The following UBE2K variants were observed in gnomAD, a reference collection of about 807,000 sequenced individuals.
The protein encoded by UBE2K is ubiquitin conjugating enzyme E2 K.
In UBE2K, 6 loss-of-function variants were observed where a neutral mutation model predicts 30.0. The ratio of observed to expected loss-of-function variants is 0.20; its 90% CI spans 0.11 to 0.39. The LOEUF is 0.39. Among genes scored for constraint, UBE2K ranks in the 10% least tolerant of loss-of-function variants. The pLI, the probability that UBE2K is intolerant of heterozygous loss-of-function variation, is 1.00. For synonymous variants in UBE2K, 86 were observed against 83.7 expected, an observed-to-expected ratio of 1.03 and a Z score of -0.15; for missense variants, 61 against 241.6, an observed-to-expected ratio of 0.25 and a Z score of 4.96.
At chr4:39,734,765 C>T (rs999842352) in intron 1 of UBE2K, among the ~76,000 whole-genome samples, 6 of 152,140 alleles carry the variant, frequency 3.9e-5, no homozygotes, top group African/African-American at 1.2e-4. Flanking sequence ...GAGCTGAGAT[C>T]GCACTGCTGC....
intron 2 of UBE2K, among the ~76,000 whole-genome samples, chr4:39,738,819 A>G (rs887430416): frequency 6.6e-6 from 1 of 151,898 alleles, no homozygotes; most frequent in Non-Finnish European, 1.5e-5. Context: ...CTGGGATTAC[A>G]GGCGCACCAC....
At chr4:39,703,236 A>G (rs943604643) in intron 1 of UBE2K, among the ~76,000 whole-genome samples, 2 of 152,054 alleles carry the variant, frequency 1.3e-5, no homozygotes. Flanking sequence ...AAGAGTGTTT[A>G]TGGCCAGGTG....
chr4:39,758,692 A>G (rs955627735), intron 4 of UBE2K, among the ~76,000 whole-genome samples: 1 of 152,148 alleles, frequency 6.6e-6, no homozygotes, highest in Non-Finnish European at 1.5e-5. Flanking sequence ...ATAAAAAAAA[A>G]AAAGAAAGAA....
At chr4:39,740,455 T>G (rs908422886) in intron 2 of UBE2K, among the ~76,000 whole-genome samples, 16 of 150,848 alleles carry the variant, frequency 1.1e-4, no homozygotes, top group Admixed American at 2.7e-4. Context: ...GGCAGGAGAA[T>G]GGCGTGAACC....
chr4:39,701,987 C>T (rs568111567), intron 1 of UBE2K, among the ~76,000 whole-genome samples: 1 of 151,866 alleles, frequency 6.6e-6, no homozygotes, highest in Non-Finnish European at 1.5e-5. Flanking sequence ...TCTTGAACTC[C>T]TAACTTCAAG....
chr4:39,713,286 A>ATTTTTTTTTTTTTTTTTTTTTTTTT (rs56104487), intron 1 of UBE2K, among the ~76,000 whole-genome samples: 3 of 83,568 alleles, frequency 3.6e-5, no homozygotes, highest in East Asian at 4.5e-4. Context: ...TCTGTAGGAA[A>ATTTTTTTTTTTTTTTTTTTTTTTTT]TTTTTTTTTT....
rs1712774714 is a variant in UBE2K at position 39,771,016 on chromosome 4, G to T, written c.300-3818G>T. On this transcript the variant is annotated intron_variant, in intron 4 of 6. Transcript: ENST00000261427. ...GGCGCTGACGCTGCTCACAAGGCTA[G>T]CCTCACGGACCCCATCCTCTTTGAG... The T allele has an allele frequency of 3.7e-6, 6 of 1,611,676 alleles. No individual in the cohort carries two copies. The South Asian group carries it at 6.6e-5, about 18-fold the overall frequency.
chr4:39,762,533 A>G (rs1712022994), intron 4 of UBE2K, among the ~76,000 whole-genome samples: 1 of 152,216 alleles, frequency 6.6e-6, no homozygotes. Context: ...GTGAGGCCTC[A>G]GGGAGCTTAT....
chr4:39,711,697 C>G (rs572673728), intron 1 of UBE2K, among the ~76,000 whole-genome samples: 3 of 151,864 alleles, frequency 2.0e-5, no homozygotes, highest in Admixed American at 6.6e-5. Flanking sequence ...CCTGACTGGA[C>G]ATTGCTTCAC....
intron 4 of UBE2K, among the ~76,000 whole-genome samples, chr4:39,772,721 T>C (rs1377749533): frequency 6.6e-6 from 1 of 150,392 alleles, no homozygotes; most frequent in Non-Finnish European, 1.5e-5. Flanking sequence ...GGAGTCTCGC[T>C]CTGTCGCCCA....
chr4:39,775,996 A>T (rs1713263644), intron 5 of UBE2K, among the ~76,000 whole-genome samples: 1 of 152,140 alleles, frequency 6.6e-6, no homozygotes, highest in Non-Finnish European at 1.5e-5. Context: ...TTGGATGATC[A>T]TATCTGTACT....
At chr4:39,702,169 C>T (rs1047496264) in intron 1 of UBE2K, among the ~76,000 whole-genome samples, 1 of 150,598 alleles carries the variant, frequency 6.6e-6, no homozygotes, top group African/African-American at 2.4e-5. Flanking sequence ...TATATGGCAC[C>T]TGTTGGTTTT....
intron 1 of UBE2K, among the ~76,000 whole-genome samples, chr4:39,719,126 T>G (rs1313333853): frequency 6.6e-6 from 1 of 152,264 alleles, no homozygotes; most frequent in African/African-American, 2.4e-5. Flanking sequence ...CTTGCATTCC[T>G]ACACATACCT....
intron 1 of UBE2K, among the ~76,000 whole-genome samples, chr4:39,712,192 A>G (rs1718732744): frequency 1.6e-5 from 2 of 123,406 alleles, no homozygotes; most frequent in Admixed American, 1.8e-4. Flanking sequence ...TAGCACCGAC[A>G]ACCTTTTTTT....
chr4:39,705,196 T>G (rs796609557), intron 1 of UBE2K, among the ~76,000 whole-genome samples: 110 of 133,754 alleles, frequency 8.2e-4, no homozygotes, highest in African/African-American at 3.0e-3. Context: ...GCACCTGGGT[T>G]TTTTTTTTTT....
At chr4:39,740,578 T>C (rs2109353620) in intron 2 of UBE2K, among the ~76,000 whole-genome samples, 1 of 150,092 alleles carries the variant, frequency 6.7e-6, no homozygotes, top group African/African-American at 2.4e-5. Flanking sequence ...GATATATTCT[T>C]ATGGCCGAGT....
chr4:39,712,864 T>A (rs897782592), intron 1 of UBE2K, among the ~76,000 whole-genome samples: 6 of 149,838 alleles, frequency 4.0e-5, no homozygotes, highest in African/African-American at 1.5e-4. Context: ...GTGTTTACTT[T>A]TTTTTTTTTT....
chr4:39,780,277 A>G lies in UBE2K; in HGVS notation c.*1843A>G, dbSNP rs2109423025. The G allele has an allele frequency of 6.6e-6, 1 of 152,220 alleles. No individual in the cohort carries two copies. Among genetic ancestry groups the G allele is most frequent in the Non-Finnish European group, 1.5e-5 (1 of 67,970 alleles). 9.4% of individuals were successfully genotyped at this position (152,220 alleles called of 1,614,324 possible). On this transcript the variant is annotated 3_prime_UTR_variant, in exon 7 of 7. Transcript: ENST00000261427. ...AAGGTGGGATTGTGTGAAAATGTGG[A>G]TGGTTTTTCTCCAGTGTTGGTTAGA...
At chr4:39,762,936 C>CTTTTTTT (rs869207095) in intron 4 of UBE2K, among the ~76,000 whole-genome samples, 1,222 of 78,726 alleles carry the variant, frequency 0.016, 90 homozygotes, top group Non-Finnish European at 0.023. Flanking sequence ...CCAAAAAACA[C>CTTTTTTT]TTTTTTTTTT....
Sources: allele counts gnomAD v4.1 joint callset (sites outside exome capture counted in the v4.1 genomes callset), GRCh38; gene constraint gnomAD v4.1.1; transcripts MANE v1.5; gene names NCBI Gene and HGNC (gene_info 2026-07-23, HGNC 2026-07-21).